CMTM8: variants seen among roughly 807,000 people sequenced by gnomAD.
CMTM8 encodes CKLF like MARVEL transmembrane domain containing 8, also known as CKLF-like MARVEL transmembrane domain-containing protein 8.
In CMTM8, 12 loss-of-function variants were observed where a neutral mutation model predicts 18.6. The ratio of observed to expected loss-of-function variants is 0.65; its 90% CI spans 0.41 to 1.05. CMTM8 has a LOEUF of 1.05. CMTM8 is among the 50% of genes least tolerant of loss of function. CMTM8 has a pLI of 0.00. For missense variants in CMTM8, 217 were observed against 227.2 expected, an observed-to-expected ratio of 0.95 and a Z score of 0.29; for synonymous variants, 87 against 90.6, an observed-to-expected ratio of 0.96 and a Z score of 0.23.
intron 1 of CMTM8, among the ~76,000 whole-genome samples, chr3:32,277,303 A>G (rs1221797029): frequency 6.6e-6 from 1 of 152,212 alleles, no homozygotes; most frequent in Non-Finnish European, 1.5e-5. Context: ...GCTGTGGGCA[A>G]GTAAGGCCCC....
intron 1 of CMTM8, among the ~76,000 whole-genome samples, chr3:32,327,490 A>G (rs950401060): frequency 2.0e-5 from 3 of 152,180 alleles, no homozygotes; most frequent in African/African-American, 7.2e-5. Context: ...GAATTGCCCT[A>G]CTTTGATTGC....
intron 1 of CMTM8, among the ~76,000 whole-genome samples, chr3:32,322,813 C>T (rs1696082706): frequency 6.6e-6 from 1 of 152,206 alleles, no homozygotes; most frequent in South Asian, 2.1e-4. Flanking sequence ...ATTTGGATTG[C>T]CTTTTTCTTT....
At chr3:32,324,484 G>A (rs540771767) in intron 1 of CMTM8, among the ~76,000 whole-genome samples, 1 of 152,180 alleles carries the variant, frequency 6.6e-6, no homozygotes, top group Non-Finnish European at 1.5e-5. Context: ...TGCTGATTTC[G>A]TGTAATTATC....
chr3:32,324,082 T>A (rs1276150892), intron 1 of CMTM8, among the ~76,000 whole-genome samples: 1 of 152,240 alleles, frequency 6.6e-6, no homozygotes, highest in Non-Finnish European at 1.5e-5. Flanking sequence ...CCAGCCCTCC[T>A]GTTTCTACAG....
rs1460325314 is a variant in CMTM8 at position 32,289,234 on chromosome 3, A to T, written c.147+50115A>T. Among the ~76,000 whole-genome samples the T allele has an allele frequency of 1.3e-5, 2 of 152,348 alleles. 1 individual carries two copies. The highest frequency in any genetic ancestry group is 4.8e-5 in the African/African-American group (2 of 41,588). ...TTTTTCAGAGATGCCCTAAATCTGA[A>T]TTTTAATTTAAAATCTCCTGATTAA... On this transcript the variant is annotated intron_variant, in intron 1 of 3. Coordinates refer to ENST00000307526, the MANE Select transcript of CMTM8 (RefSeq NM_178868.5).
chr3:32,359,089 C>T (rs552430829), intron 2 of CMTM8, among the ~76,000 whole-genome samples: 1 of 152,246 alleles, frequency 6.6e-6, no homozygotes, highest in African/African-American at 2.4e-5. Context: ...ATGGACAGTA[C>T]CCTTATTTCC....
intron 1 of CMTM8, among the ~76,000 whole-genome samples, chr3:32,281,046 A>G (rs1702600928): frequency 6.6e-6 from 1 of 152,124 alleles, no homozygotes; most frequent in African/African-American, 2.4e-5. Context: ...CTATTTCTGA[A>G]GGGAGTTATC....
At chr3:32,324,961 C>T (rs573524507) in intron 1 of CMTM8, among the ~76,000 whole-genome samples, 1 of 152,334 alleles carries the variant, frequency 6.6e-6, no homozygotes, top group South Asian at 2.1e-4. Flanking sequence ...TTCTCTTGGC[C>T]TCAGCTCCCC....
chr3:32,321,089 G>C (rs1696038001), intron 1 of CMTM8, among the ~76,000 whole-genome samples: 1 of 152,094 alleles, frequency 6.6e-6, no homozygotes, highest in Non-Finnish European at 1.5e-5. Context: ...ATCAGCTAAA[G>C]ACAGGCCCTT....
At chr3:32,240,700 G>A (rs1701936352) in intron 1 of CMTM8, among the ~76,000 whole-genome samples, 1 of 152,178 alleles carries the variant, frequency 6.6e-6, no homozygotes, top group South Asian at 2.1e-4. Context: ...TAAGCGTTTT[G>A]AAAAAGATGG....
chr3:32,346,678 T>A (rs1367280753), intron 1 of CMTM8, among the ~76,000 whole-genome samples: 1 of 152,128 alleles, frequency 6.6e-6, no homozygotes, highest in Non-Finnish European at 1.5e-5. Context: ...ATCTAAACCT[T>A]ATTACCTACC....
At chr3:32,247,390 G>A (rs1559360682) in intron 1 of CMTM8, among the ~76,000 whole-genome samples, 1 of 152,146 alleles carries the variant, frequency 6.6e-6, no homozygotes, top group Non-Finnish European at 1.5e-5. Context: ...TCAGCTCACT[G>A]CAACTTCCGC....
chr3:32,244,115 C>A, intron 1 of CMTM8: 1 of 153,794 alleles, frequency 6.5e-6, no homozygotes, highest in East Asian at 1.9e-4. Context: ...AGGTCAGGTC[C>A]AGGGAGCTAG....
chr3:32,269,482 A>G (rs1056636139), intron 1 of CMTM8, among the ~76,000 whole-genome samples: 17 of 152,304 alleles, frequency 1.1e-4, no homozygotes, highest in Non-Finnish European at 2.4e-4. Context: ...ACTTCCTTTT[A>G]TGTGATTAGG....
At chr3:32,261,785 C>A (rs933177689) in intron 1 of CMTM8, among the ~76,000 whole-genome samples, 1 of 152,118 alleles carries the variant, frequency 6.6e-6, no homozygotes, top group Admixed American at 6.6e-5. Flanking sequence ...TTGTGGAGTT[C>A]AGTGTGAAAC....
At chr3:32,342,964 G>A (rs1696528700) in intron 1 of CMTM8, among the ~76,000 whole-genome samples, 1 of 152,194 alleles carries the variant, frequency 6.6e-6, no homozygotes, top group Non-Finnish European at 1.5e-5. Flanking sequence ...AGGGCTAATG[G>A]AATTCAGGTA....
intron 1 of CMTM8, among the ~76,000 whole-genome samples, chr3:32,343,335 C>T (rs545305952): frequency 1.3e-5 from 2 of 152,180 alleles, no homozygotes; most frequent in Non-Finnish European, 2.9e-5. Context: ...AGAAAAGGTG[C>T]CATCCTTGGA....
chr3:32,367,308 A>T (rs3867380), intron 2 of CMTM8, among the ~76,000 whole-genome samples: 1 of 152,106 alleles, frequency 6.6e-6, no homozygotes, highest in Admixed American at 6.5e-5. Flanking sequence ...CAAATAAGGT[A>T]AAGCCAAGGG....
chr3:32,331,941 A>G (rs1181964769), intron 1 of CMTM8, among the ~76,000 whole-genome samples: 2 of 152,172 alleles, frequency 1.3e-5, no homozygotes, highest in East Asian at 3.9e-4. Flanking sequence ...AAGATGAAAA[A>G]GTTCTAGAGA....
Sources: allele counts gnomAD v4.1 joint callset (sites outside exome capture counted in the v4.1 genomes callset), GRCh38; gene constraint gnomAD v4.1.1; transcripts MANE v1.5; gene names NCBI Gene and HGNC (gene_info 2026-07-23, HGNC 2026-07-21).